The following VPS8 variants were observed in gnomAD, a reference collection of about 807,000 sequenced individuals.
VPS8 encodes vacuolar protein sorting-associated protein 8 homolog.
A neutral mutation model predicts 216.4 loss-of-function variants in VPS8; 129 were observed. That is an observed-to-expected ratio of 0.60 (90% CI 0.52 to 0.69). The LOEUF is 0.69. Ranked by LOEUF, VPS8 falls within the 30% of genes least tolerant of loss-of-function variation. The probability of loss-of-function intolerance (pLI) is 0.00; values close to 1 mark genes in which losing one functional copy is unlikely to be tolerated. For missense variants in VPS8, 1,531 were observed against 1,683.5 expected (o/e 0.91, Z 1.59); for synonymous variants, 571 against 565.4 (o/e 1.01, Z -0.14).
At chr3:184,823,391 G>A (rs565966251) in intron 1 of VPS8, among the ~76,000 whole-genome samples, 9 of 151,814 alleles carry the variant, frequency 5.9e-5, no homozygotes, top group Non-Finnish European at 1.3e-4. Context: ...TTTTTTTTCT[G>A]CCTTCACTAA....
chr3:184,835,108 ATGAT>A (rs1275801003), intron 5 of VPS8, among the ~76,000 whole-genome samples: 1 of 151,710 alleles, frequency 6.6e-6, no homozygotes, highest in Non-Finnish European at 1.5e-5. Context: ...ATATGGAGAA[ATGAT>A]TGATCAGAAT....
chr3:184,999,624 G>T (rs1753124060), intron 44 of VPS8, 72 bp from the exon 45 acceptor site: 1 of 1,483,818 alleles, frequency 6.7e-7, no homozygotes, highest in African/African-American at 1.4e-5. Flanking sequence ...TTGCTTCTAA[G>T]TACACTTACA....
rs1177372183 is a variant in VPS8 at position 184,999,758 on chromosome 3, G to A, written c.3899G>A (p.Gly1300Asp). 2.5e-6 allele frequency: 4 copies of A among 1,613,190 alleles called. No homozygotes were observed. The Admixed American group carries it at 5.0e-5, about 20-fold the overall frequency. Residue 1300 changes from glycine (G) to aspartate (D), a missense_variant, in exon 45 of 48, where the codon GGC becomes GAC. By Grantham distance (94) the Gly-to-Asp change is moderately conservative. Coordinates refer to ENST00000625842, the MANE Select transcript of VPS8 (RefSeq NM_001009921.3). ...AAAGAATGCACTGTGGAATTTGAGGGCCAAACAAGATGGACATGCTACAAA... is the reference window on the plus strand; with the variant it reads ...AAAGAATGCACTGTGGAATTTGAGGACCAAACAAGATGGACATGCTACAAA... ...QNKECTVEFE[G>D]QTRWTCYKCS... is the part of the protein sequence containing the mutation.
intron 1 of VPS8, among the ~76,000 whole-genome samples, chr3:184,818,906 C>G (rs1395823251): frequency 1.3e-5 from 2 of 152,042 alleles, no homozygotes; most frequent in East Asian, 1.9e-4. Flanking sequence ...GTGGCACAGG[C>G]TGGTAGTTGC....
chr3:184,937,243 G>T (rs1343506345), intron 35 of VPS8, among the ~76,000 whole-genome samples: 3 of 152,134 alleles, frequency 2.0e-5, no homozygotes, highest in Non-Finnish European at 4.4e-5. Flanking sequence ...TGTTGAGTTT[G>T]CTCCCTGTCA....
chr3:185,024,447 T>A (rs1757076074), intron 46 of VPS8, 58 bp downstream of exon 46: 7 of 1,484,270 alleles, frequency 4.7e-6, no homozygotes, highest in Non-Finnish European at 6.5e-6. Context: ...TATTCTCCTA[T>A]GTGGAACAAT....
chr3:185,031,170 A>G (rs1758116082), intron 46 of VPS8, among the ~76,000 whole-genome samples: 2 of 149,874 alleles, frequency 1.3e-5, no homozygotes, highest in Non-Finnish European at 2.9e-5. Context: ...CGCTGGCCCT[A>G]AGAATGGCTG....
In VPS8 at chr3:184,945,347, C is replaced by T. The variant is rs910330522; in HGVS notation, c.3035+5104C>T. ...AATTTACTGAGTAACTACAGCATACCAAGCACTTGACAGGCATGGGAGATA... is the reference window on the plus strand; with the variant it reads ...AATTTACTGAGTAACTACAGCATACTAAGCACTTGACAGGCATGGGAGATA... On this transcript the variant is annotated intron_variant, in intron 36 of 47. Transcript: ENST00000625842. 2.0e-5 allele frequency among the ~76,000 whole-genome samples: 3 copies of T among 151,570 alleles called. No homozygotes were observed. The South Asian group carries it at 6.3e-4, about 32-fold the overall frequency.
chr3:185,040,175 C>T (rs764882601), intron 46 of VPS8, among the ~76,000 whole-genome samples: 17 of 152,118 alleles, frequency 1.1e-4, no homozygotes, highest in Non-Finnish European at 2.4e-4. Flanking sequence ...CATTAGGCCC[C>T]TCCAACATTG....
rs555420627 is a variant in VPS8 at position 184,911,633 on chromosome 3, C to T, written c.2147-1886C>T. The stretch of plus-strand genomic sequence containing the variant: ...GCATTTTACAGAAGGTAATGTAATG[C>T]CCAACCTTGTTTTCACTAACCCTGT... On this transcript the variant is annotated intron_variant, in intron 25 of 47. Coordinates refer to ENST00000625842, the MANE Select transcript of VPS8 (RefSeq NM_001009921.3). Among the ~76,000 whole-genome samples, 103 of 152,294 alleles carry T rather than the reference C, an allele frequency of 6.8e-4. 3 individuals carry two copies. The South Asian group carries it at 0.021, about 32-fold the overall frequency.
At chr3:184,910,089 G>C (rs954009586) in intron 25 of VPS8, among the ~76,000 whole-genome samples, 1 of 150,968 alleles carries the variant, frequency 6.6e-6, no homozygotes, top group African/African-American at 2.4e-5. Context: ...CAGAGTTTGG[G>C]GATCCTTCCT....
At chr3:184,913,598 C>A in intron 26 of VPS8, 37 bp downstream of exon 26, 2 of 1,490,562 alleles carry the variant, frequency 1.3e-6, no homozygotes, top group Non-Finnish European at 1.8e-6. Context: ...CATGTATGTT[C>A]TTTCTATATT....
At chr3:184,894,507 C>CATATATAT (rs201827320) in intron 22 of VPS8, among the ~76,000 whole-genome samples, 196 bp from the exon 23 acceptor site, 2 of 91,916 alleles carry the variant, frequency 2.2e-5, no homozygotes, top group South Asian at 3.3e-4. Context: ...TATATACACA[C>CATATATAT]GTATATATAT....
At chr3:185,004,157 G>A (rs956279197) in intron 45 of VPS8, among the ~76,000 whole-genome samples, 4 of 152,144 alleles carry the variant, frequency 2.6e-5, no homozygotes, top group African/African-American at 4.8e-5. Context: ...GCAGCGAGCC[G>A]AGACCACGCC....
chr3:184,821,222 AAG>A (rs1387072854), intron 1 of VPS8, among the ~76,000 whole-genome samples: 3 of 152,230 alleles, frequency 2.0e-5, no homozygotes, highest in Admixed American at 1.3e-4. Flanking sequence ...TGCTAAAAGA[AAG>A]GGGGAAGTTG....
intron 39 of VPS8, among the ~76,000 whole-genome samples, chr3:184,969,632 G>T (rs1394804265): frequency 1.3e-5 from 2 of 148,382 alleles, no homozygotes; most frequent in African/African-American, 2.5e-5. Context: ...GTTTCACCAT[G>T]TTGGCCAGGC....
intron 29 of VPS8, among the ~76,000 whole-genome samples, chr3:184,924,530 T>C (rs895347620): frequency 6.6e-6 from 1 of 151,556 alleles, no homozygotes; most frequent in Non-Finnish European, 1.5e-5. Context: ...AAAAAAAAAT[T>C]AGTTGTAGAA....
intron 21 of VPS8, among the ~76,000 whole-genome samples, chr3:184,884,446 A>G (rs1029265015): frequency 6.6e-6 from 1 of 152,080 alleles, no homozygotes; most frequent in African/African-American, 2.4e-5. Context: ...ATCACTTTTT[A>G]TGTGAACCTC....
chr3:184,866,168 A>C (rs1450328255), intron 16 of VPS8, among the ~76,000 whole-genome samples: 2 of 152,206 alleles, frequency 1.3e-5, no homozygotes, highest in African/African-American at 4.8e-5. Flanking sequence ...CTAACTGGTA[A>C]AGGGATGTAC....
Sources: allele counts gnomAD v4.1 joint callset (sites outside exome capture counted in the v4.1 genomes callset), GRCh38; gene constraint gnomAD v4.1.1; transcripts MANE v1.5; gene names NCBI Gene and HGNC (gene_info 2026-07-23, HGNC 2026-07-21).